PCSK5: variants seen among roughly 807,000 people sequenced by gnomAD.
The protein encoded by PCSK5 is prohormone convertase 5.
In PCSK5, 129 loss-of-function variants were observed where a neutral mutation model predicts 233.2. That is an observed-to-expected ratio of 0.55 (90% CI 0.48 to 0.64). PCSK5 has a LOEUF of 0.64. Ranked by LOEUF, PCSK5 falls within the 30% of genes least tolerant of loss-of-function variation. PCSK5 has a pLI of 0.00. For synonymous variants in PCSK5, 825 were observed against 879.2 expected (o/e 0.94, Z 1.09); for missense variants, 2,076 against 2,430.1 (o/e 0.85, Z 3.06).
intron 17 of PCSK5, 41 bp from the exon 18 acceptor site, chr9:76,188,537 T>A: frequency 7.2e-7 from 1 of 1,387,462 alleles, no homozygotes; most frequent in Non-Finnish European, 1.0e-6. Flanking sequence ...TTTGGCCTCA[T>A]CACAACAGTC....
chr9:76,135,069 C>T (rs980522890), intron 10 of PCSK5, among the ~76,000 whole-genome samples: 12 of 151,978 alleles, frequency 7.9e-5, no homozygotes, highest in African/African-American at 2.9e-4. Context: ...GGATGAAATA[C>T]AGTGTTCCAT....
intron 7 of PCSK5, among the ~76,000 whole-genome samples, chr9:76,082,936 C>T (rs1411641560): frequency 6.6e-6 from 1 of 151,944 alleles, no homozygotes; most frequent in African/African-American, 2.4e-5. Context: ...AGACCGGGCA[C>T]GGTGGCTCAT....
chr9:76,304,073 G>A (rs1828701850), intron 28 of PCSK5, among the ~76,000 whole-genome samples: 1 of 152,200 alleles, frequency 6.6e-6, no homozygotes, highest in African/African-American at 2.4e-5. Flanking sequence ...TTGGGAGGCT[G>A]AGACCAGAGA....
At chr9:75,910,742 C>T (rs918953193) in intron 1 of PCSK5, among the ~76,000 whole-genome samples, 4 of 152,142 alleles carry the variant, frequency 2.6e-5, no homozygotes, top group South Asian at 2.1e-4. Context: ...CTTGTGCCTT[C>T]GCTGAGGGCC....
chr9:76,121,547 A>T (rs926557242), intron 9 of PCSK5, among the ~76,000 whole-genome samples: 2 of 152,192 alleles, frequency 1.3e-5, no homozygotes, highest in African/African-American at 4.8e-5. Flanking sequence ...TGTAATTCTC[A>T]TCTATAAGGT....
intron 3 of PCSK5, among the ~76,000 whole-genome samples, chr9:76,015,194 A>C (rs1045216933): frequency 1.3e-5 from 2 of 152,190 alleles, no homozygotes; most frequent in Non-Finnish European, 2.9e-5. Flanking sequence ...GAGAAGATGG[A>C]TGTCTCAGCT....
At chr9:76,130,356 T>G (rs1822707362) in intron 9 of PCSK5, among the ~76,000 whole-genome samples, 1 of 152,204 alleles carries the variant, frequency 6.6e-6, no homozygotes, top group Non-Finnish European at 1.5e-5. Flanking sequence ...TGTGTGTCTC[T>G]GCTTCACCTT....
chr9:75,948,635 CTT>C (rs551594355), intron 2 of PCSK5, among the ~76,000 whole-genome samples: 5 of 152,088 alleles, frequency 3.3e-5, no homozygotes, highest in Non-Finnish European at 7.3e-5. Flanking sequence ...GTGCAGGTGT[CTT>C]TATAGTAGCA....
At chr9:76,017,056 G>C (rs1278137879) in intron 3 of PCSK5, among the ~76,000 whole-genome samples, 1 of 151,936 alleles carries the variant, frequency 6.6e-6, no homozygotes, top group Non-Finnish European at 1.5e-5. Context: ...TGGGGACCAT[G>C]GTTCTAGCAG....
chr9:76,153,403 A>G (rs868501796), intron 10 of PCSK5, among the ~76,000 whole-genome samples: 3 of 152,302 alleles, frequency 2.0e-5, no homozygotes, highest in Middle Eastern at 6.8e-3. Flanking sequence ...TTCTATTTGA[A>G]CTGGTCGGGA....
intron 9 of PCSK5, among the ~76,000 whole-genome samples, chr9:76,130,298 A>G (rs1822705645): frequency 6.6e-6 from 1 of 152,180 alleles, no homozygotes; most frequent in African/African-American, 2.4e-5. Context: ...GCGACGTGCC[A>G]TACTTGGCTT....
At chr9:75,912,340 C>T (rs189906325) in intron 1 of PCSK5, among the ~76,000 whole-genome samples, 58 of 152,162 alleles carry the variant, frequency 3.8e-4, no homozygotes, top group African/African-American at 1.3e-3. Context: ...GCAAGAAGCC[C>T]GGTGATTCTG....
chr9:76,189,363 CT>C (rs1396500394), intron 19 of PCSK5, 140 bp downstream of exon 19: 1 of 748,834 alleles, frequency 1.3e-6, no homozygotes, highest in Non-Finnish European at 2.2e-6. Context: ...TGTTCTGAAG[CT>C]TTCACCCAGC....
chr9:76,007,793 ATT>A (rs1317086300), intron 3 of PCSK5, among the ~76,000 whole-genome samples: 2 of 52,554 alleles, frequency 3.8e-5, no homozygotes, highest in East Asian at 5.7e-4. Flanking sequence ...TGCCCGGCTA[ATT>A]TTGTGTGTGT....
intron 20 of PCSK5, among the ~76,000 whole-genome samples, chr9:76,212,957 C>T (rs1455425952): frequency 1.3e-5 from 2 of 152,182 alleles, no homozygotes; most frequent in African/African-American, 4.8e-5. Context: ...TCCTGCAGAG[C>T]ATTAAGGATC....
At chr9:76,043,039 A>G (rs1829190568) in intron 5 of PCSK5, among the ~76,000 whole-genome samples, 1 of 152,064 alleles carries the variant, frequency 6.6e-6, no homozygotes, top group Non-Finnish European at 1.5e-5. Context: ...GGAAGGGATC[A>G]AAGATGGTAA....
At chr9:76,125,025 C>T (rs189413560) in intron 9 of PCSK5, among the ~76,000 whole-genome samples, 1 of 152,026 alleles carries the variant, frequency 6.6e-6, no homozygotes, top group South Asian at 2.1e-4. Flanking sequence ...TTTCTCACCA[C>T]CACTTTTTCC....
chr9:75,894,522 A>G (rs1386836646), intron 1 of PCSK5, among the ~76,000 whole-genome samples: 2 of 152,258 alleles, frequency 1.3e-5, no homozygotes, highest in Admixed American at 6.5e-5. Context: ...ATGTTTTCAC[A>G]AAATGTTTAT....
intron 5 of PCSK5, among the ~76,000 whole-genome samples, chr9:76,055,354 C>T (rs1829782642): frequency 6.6e-6 from 1 of 152,096 alleles, no homozygotes; most frequent in South Asian, 2.1e-4. Context: ...ATCATCGAGT[C>T]ACAAAAACTG....
Sources: gnomAD v4.1 joint callset for allele counts (sites outside exome capture counted in the v4.1 genomes callset) on GRCh38, gnomAD v4.1.1 for gene constraint, MANE v1.5 for transcripts, NCBI Gene and HGNC (gene_info 2026-07-23, HGNC 2026-07-21) for gene names.